ZFHX3: variants seen among roughly 807,000 people sequenced by gnomAD.
The protein encoded by ZFHX3 is zinc finger homeobox 3, also known as zinc finger homeobox protein 3.
A neutral mutation model predicts 279.1 loss-of-function variants in ZFHX3; 42 were observed. That is an observed-to-expected ratio of 0.15 (90% CI 0.12 to 0.19). ZFHX3 has a LOEUF of 0.19. Among genes scored for constraint, ZFHX3 ranks in the 10% least tolerant of loss-of-function variants. The pLI is 1.00. For missense variants in ZFHX3, 4,981 were observed against 4,754.0 expected, an observed-to-expected ratio of 1.05 and a Z score of -1.40; for synonymous variants, 2,293 against 1,957.8, an observed-to-expected ratio of 1.17 and a Z score of -4.52.
chr16:73,784,481 G>C (rs1297527574), intron 1 of ZFHX3, among the ~76,000 whole-genome samples: 1 of 152,028 alleles, frequency 6.6e-6, no homozygotes, highest in African/African-American at 2.4e-5. Context: ...GGGCGCAGTG[G>C]CTCACGTCTG....
chr16:73,029,218 G>A (rs909916139), intron 1 of ZFHX3, among the ~76,000 whole-genome samples: 2 of 152,108 alleles, frequency 1.3e-5, no homozygotes, highest in African/African-American at 4.8e-5. Flanking sequence ...GGACCCCAAG[G>A]CCCCTTCTAT....
At chr16:73,257,192 TGATACTGTATCAAAACAACA>T (rs1171150700) in intron 4 of ZFHX3, 2 of 152,232 alleles carry the variant, frequency 1.3e-5, no homozygotes, top group African/African-American at 4.8e-5. Flanking sequence ...TACATATTCC[TGATACTGTATCAAAACAACA>T]GTACATGCTT....
At chr16:73,612,268 C>A (rs1328636182) in intron 2 of ZFHX3, among the ~76,000 whole-genome samples, 1 of 151,864 alleles carries the variant, frequency 6.6e-6, no homozygotes, top group Non-Finnish European at 1.5e-5. Flanking sequence ...AAACTCAACC[C>A]CAAAAAGCTG....
chr16:73,093,636 G>A (rs757033574), intron 7 of ZFHX3: 3 of 488,884 alleles, frequency 6.1e-6, no homozygotes, highest in South Asian at 3.0e-5. Context: ...GAGTGAACTC[G>A]GCCTCTCCCC....
chr16:72,904,664 T>C (rs2039125684), intron 3 of ZFHX3, among the ~76,000 whole-genome samples: 1 of 152,088 alleles, frequency 6.6e-6, no homozygotes, highest in Non-Finnish European at 1.5e-5. Flanking sequence ...CCCTCCCAGA[T>C]AACTCTGACC....
At chr16:73,872,284 C>T (rs1415294772) in intron 1 of ZFHX3, among the ~76,000 whole-genome samples, 1 of 152,048 alleles carries the variant, frequency 6.6e-6, no homozygotes, top group Non-Finnish European at 1.5e-5. Context: ...TTTTGTTGCC[C>T]AGGCTGGAGC....
intron 2 of ZFHX3, among the ~76,000 whole-genome samples, chr16:73,628,892 C>T (rs2052442324): frequency 6.6e-6 from 1 of 152,086 alleles, no homozygotes. Flanking sequence ...TCCAGGGGCA[C>T]CACGCAGGAC....
intron 3 of ZFHX3, among the ~76,000 whole-genome samples, chr16:73,333,415 T>C (rs957278019): frequency 5.9e-5 from 9 of 151,776 alleles, no homozygotes; most frequent in African/African-American, 1.9e-4. Flanking sequence ...GAAAGATACA[T>C]AGATAGACAC....
chr16:73,605,154 G>A (rs1029782618), intron 2 of ZFHX3, among the ~76,000 whole-genome samples: 6 of 152,060 alleles, frequency 3.9e-5, no homozygotes, highest in South Asian at 2.1e-4. Context: ...TACCGGTGGC[G>A]GACGTGGTCA....
chr16:73,752,242 G>A (rs1302896475), intron 1 of ZFHX3, among the ~76,000 whole-genome samples: 1 of 151,992 alleles, frequency 6.6e-6, no homozygotes, highest in Non-Finnish European at 1.5e-5. Flanking sequence ...GGTCTATAAC[G>A]ACCTCCTTTT....
chr16:73,646,983 A>C (rs1937902949), intron 2 of ZFHX3, among the ~76,000 whole-genome samples: 1 of 151,548 alleles, frequency 6.6e-6, no homozygotes, highest in African/African-American at 2.4e-5. Context: ...CAGGCGAATT[A>C]GGACAAATGG....
At chr16:73,072,746 T>G (rs1965840603) in intron 8 of ZFHX3, among the ~76,000 whole-genome samples, 1 of 152,204 alleles carries the variant, frequency 6.6e-6, no homozygotes. Flanking sequence ...TTTTACAAAT[T>G]TTTTGTAGAG....
chr16:73,382,863 A>T (rs2016838995), intron 3 of ZFHX3, among the ~76,000 whole-genome samples: 1 of 152,220 alleles, frequency 6.6e-6, no homozygotes, highest in Non-Finnish European at 1.5e-5. Flanking sequence ...GCTACCCCTG[A>T]GAAATCCTGC....
chr16:73,142,570 G>A (rs1966850375), intron 6 of ZFHX3, among the ~76,000 whole-genome samples: 1 of 152,182 alleles, frequency 6.6e-6, no homozygotes, highest in Non-Finnish European at 1.5e-5. Context: ...GTCACATAAA[G>A]CAGTGAGGCT....
intron 3 of ZFHX3, among the ~76,000 whole-genome samples, chr16:73,438,118 T>C (rs1178564603): frequency 1.3e-5 from 2 of 152,188 alleles, no homozygotes; most frequent in African/African-American, 2.4e-5. Context: ...ATCAATTTTA[T>C]GTCCAAGGCA....
chr16:73,584,126 G>A (rs1024808671), intron 2 of ZFHX3, among the ~76,000 whole-genome samples: 1 of 152,104 alleles, frequency 6.6e-6, no homozygotes, highest in African/African-American at 2.4e-5. Context: ...AGTACAGAAA[G>A]ACAAAAATAC....
chr16:73,315,609 A>G (rs2015427663), intron 4 of ZFHX3, among the ~76,000 whole-genome samples: 1 of 152,232 alleles, frequency 6.6e-6, no homozygotes, highest in South Asian at 2.1e-4. Context: ...ATTGAAAAAA[A>G]AAGACATTGA....
intron 3 of ZFHX3, among the ~76,000 whole-genome samples, chr16:72,921,069 C>CAAAA (rs57294537): frequency 3.0e-4 from 7 of 23,566 alleles, no homozygotes; most frequent in East Asian, 3.0e-3. Flanking sequence ...CAGACCTTGT[C>CAAAA]AAAAAAAAAA....
intron 1 of ZFHX3, among the ~76,000 whole-genome samples, chr16:72,995,335 C>T (rs1198182419): frequency 1.3e-5 from 2 of 152,104 alleles, no homozygotes; most frequent in African/African-American, 2.4e-5. Flanking sequence ...GAGGACGGAA[C>T]GGGAACTGCA....
Sources: allele counts gnomAD v4.1 joint callset (sites outside exome capture counted in the v4.1 genomes callset), GRCh38; gene constraint gnomAD v4.1.1; transcripts MANE v1.5; gene names NCBI Gene and HGNC (gene_info 2026-07-23, HGNC 2026-07-21).